MACROD2: variants seen among roughly 807,000 people sequenced by gnomAD.
The protein encoded by MACROD2 is mono-ADP ribosylhydrolase 2, also known as ADP-ribose glycohydrolase MACROD2.
In MACROD2, 36 loss-of-function variants were observed where a neutral mutation model predicts 70.4. The observed-to-expected ratio is 0.51, with a 90% confidence interval of 0.39 to 0.68. The LOEUF is 0.68. MACROD2 is among the 30% of genes least tolerant of loss of function. The pLI, the probability that MACROD2 is intolerant of heterozygous loss-of-function variation, is 0.00. For missense variants in MACROD2, 496 were observed against 538.4 expected (o/e 0.92, Z 0.78); for synonymous variants, 172 against 178.8 (o/e 0.96, Z 0.30).
At chr20:14,398,312 G>A (rs1164584491) in intron 3 of MACROD2, among the ~76,000 whole-genome samples, 1 of 151,732 alleles carries the variant, frequency 6.6e-6, no homozygotes, top group Non-Finnish European at 1.5e-5. Context: ...TTAGTTTTTT[G>A]AGAGATGTCC....
chr20:15,384,365 A>T (rs2045684147), intron 6 of MACROD2, among the ~76,000 whole-genome samples: 4 of 152,112 alleles, frequency 2.6e-5, no homozygotes, highest in South Asian at 2.1e-4. Flanking sequence ...GGTTCAAGGG[A>T]TCCTCCCACC....
In MACROD2 at chr20:15,569,962, T is replaced by C. The variant is rs6043371; in HGVS notation, c.645+70115T>C. Among the ~76,000 whole-genome samples, 1,175 of 152,292 alleles carry C rather than the reference T, an allele frequency of 7.7e-3. 17 individuals carry two copies. The highest frequency in any genetic ancestry group is 0.027 in the African/African-American group (1,118 of 41,558). ...TGCAATAAATAGGAGACTGCAGATA[T>C]CTCTTTGACATATTAATTTTATTTC... On this transcript the variant is annotated intron_variant, in intron 8 of 17. Transcript: ENST00000684519.
chr20:15,034,045 A>C (rs1427561450), intron 5 of MACROD2, among the ~76,000 whole-genome samples: 1 of 152,198 alleles, frequency 6.6e-6, no homozygotes, highest in Non-Finnish European at 1.5e-5. Context: ...TCTGGCACAA[A>C]ATATACAGGA....
chr20:14,580,438 C>T (rs1245653644), intron 4 of MACROD2, among the ~76,000 whole-genome samples: 1 of 11,414 alleles, frequency 8.8e-5, no homozygotes, highest in East Asian at 0.014. Flanking sequence ...TTTCCCGTTG[C>T]CTGAAAAAAA....
rs1042885749 is a variant in MACROD2 at position 14,824,878 on chromosome 20, C to G, written c.418+139919C>G. Among the ~76,000 whole-genome samples the G allele has an allele frequency of 6.2e-4, 94 of 152,154 alleles. 1 individual carries two copies. The highest frequency in any genetic ancestry group is 2.1e-3 in the African/African-American group (89 of 41,536). On this transcript the variant is annotated intron_variant, in intron 5 of 17. Transcript: ENST00000684519. ...TGTTTATTGAGGTACTACCATGTGC[C>G]GGTCACTGTCCTTAAACACAGAGCT...
Position 15,679,095 on chromosome 20 carries a change from G to T in MACROD2, c.645+179248G>T, listed in dbSNP as rs143000678. ...CTACTAAAAATACAAAAATTAGCTGGGTGTAGTGGCACATGTCTATAGTCC... is the reference window on the plus strand; with the variant it reads ...CTACTAAAAATACAAAAATTAGCTGTGTGTAGTGGCACATGTCTATAGTCC... On this transcript the variant is annotated intron_variant, in intron 8 of 17. Transcript: ENST00000684519. 1.4e-4 allele frequency among the ~76,000 whole-genome samples: 21 copies of T among 152,172 alleles called. No individual in the cohort carries two copies. In the East Asian group the frequency reaches 4.1e-3, roughly 30 times the overall value.
intron 3 of MACROD2, among the ~76,000 whole-genome samples, chr20:14,274,212 A>G (rs1334532504): frequency 5.3e-5 from 8 of 152,210 alleles, no homozygotes; most frequent in Non-Finnish European, 1.0e-4. Flanking sequence ...TTTTAGACCA[A>G]TATCCTTGAT....
intron 3 of MACROD2, among the ~76,000 whole-genome samples, chr20:14,237,265 A>G (rs1248542586): frequency 1.3e-5 from 2 of 152,002 alleles, no homozygotes; most frequent in African/African-American, 2.4e-5. Flanking sequence ...GTGTGTATAT[A>G]TAAATACAAT....
At chr20:15,899,350 A>G (rs559376815) in intron 10 of MACROD2, among the ~76,000 whole-genome samples, 1 of 152,302 alleles carries the variant, frequency 6.6e-6, no homozygotes, top group Non-Finnish European at 1.5e-5. Flanking sequence ...ATACACATAC[A>G]TACATTTCTA....
chr20:15,375,608 A>C (rs73897789), intron 6 of MACROD2, among the ~76,000 whole-genome samples: 2,212 of 152,274 alleles, frequency 0.015, 55 homozygotes, highest in African/African-American at 0.05. Context: ...CTGAACTTTG[A>C]GTTAACTAGA....
chr20:16,048,757 G>C (rs2067418122), intron 17 of MACROD2, among the ~76,000 whole-genome samples: 1 of 152,120 alleles, frequency 6.6e-6, no homozygotes, highest in East Asian at 1.9e-4. Context: ...AAAATTGTTA[G>C]TTTCTTGTAA....
chr20:16,052,458 A>G lies in MACROD2; in HGVS notation c.*2582A>G, dbSNP rs1225559869. On this transcript the variant is annotated 3_prime_UTR_variant, in exon 18 of 18. Coordinates refer to ENST00000684519, the MANE Select transcript of MACROD2 (RefSeq NM_001351661.2). ...TGAAGAGTTACAGGAGGGAGGGAGGAAAATAGCCCTATGTTAGTCATGTTT... is the reference window on the plus strand; with the variant it reads ...TGAAGAGTTACAGGAGGGAGGGAGGGAAATAGCCCTATGTTAGTCATGTTT... 1 of 152,318 alleles carries G rather than the reference A, an allele frequency of 6.6e-6. No homozygotes were observed. Among genetic ancestry groups the G allele is most frequent in the East Asian group, 1.9e-4 (1 of 5,190 alleles). 9.4% of individuals were successfully genotyped at this position (152,318 alleles called of 1,614,324 possible).
chr20:15,424,420 G>T (rs566949194), intron 6 of MACROD2, among the ~76,000 whole-genome samples: 1 of 152,156 alleles, frequency 6.6e-6, no homozygotes, highest in Non-Finnish European at 1.5e-5. Context: ...TAACCAACAT[G>T]TAGAGAAAAG....
At chr20:15,173,692 T>TG (rs935438569) in intron 5 of MACROD2, among the ~76,000 whole-genome samples, 14 of 151,998 alleles carry the variant, frequency 9.2e-5, no homozygotes, top group African/African-American at 3.4e-4. Flanking sequence ...GATAATTGGG[T>TG]ATAAATACAG....
chr20:16,040,302 T>C (rs908794845), intron 15 of MACROD2, among the ~76,000 whole-genome samples: 6 of 151,938 alleles, frequency 3.9e-5, no homozygotes, highest in African/African-American at 1.4e-4. Context: ...CCTTGCTTTT[T>C]TCTCATCAAT....
At chr20:14,514,158 A>T (rs763225298) in intron 4 of MACROD2, among the ~76,000 whole-genome samples, 24 of 152,128 alleles carry the variant, frequency 1.6e-4, no homozygotes, top group Non-Finnish European at 2.6e-4. Context: ...GGGGCAGAAG[A>T]GAAGCCTTGA....
chr20:15,286,916 G>A (rs1329411050), intron 6 of MACROD2, among the ~76,000 whole-genome samples: 1 of 152,062 alleles, frequency 6.6e-6, no homozygotes, highest in Non-Finnish European at 1.5e-5. Context: ...ACATATTAGA[G>A]AAGAGAGAAC....
chr20:14,838,370 A>G lies in MACROD2; in HGVS notation c.418+153411A>G, dbSNP rs140270111. 2.6e-5 allele frequency among the ~76,000 whole-genome samples: 4 copies of G among 152,250 alleles called. No individual in the cohort carries two copies. In the East Asian group the frequency reaches 7.7e-4, roughly 29 times the overall value. On this transcript the variant is annotated intron_variant, in intron 5 of 17. Transcript: ENST00000684519. The stretch of plus-strand genomic sequence containing the variant: ...CATTTGTGAAATTTAATAAGGCAGA[A>G]CATTATTATGTTCATATTGAAAGTC...
chr20:15,498,507 A>T (rs1600497687), intron 7 of MACROD2, among the ~76,000 whole-genome samples: 1 of 152,240 alleles, frequency 6.6e-6, no homozygotes, highest in East Asian at 1.9e-4. Context: ...GATGCTGGGA[A>T]TGGCACACAT....
Sources: gnomAD v4.1 joint callset for allele counts (sites outside exome capture counted in the v4.1 genomes callset) on GRCh38, gnomAD v4.1.1 for gene constraint, MANE v1.5 for transcripts, NCBI Gene and HGNC (gene_info 2026-07-23, HGNC 2026-07-21) for gene names.